The following SORCS3 variants were observed in gnomAD, a reference collection of about 807,000 sequenced individuals.
The protein encoded by SORCS3 is VPS10 domain-containing receptor SorCS3.
SORCS3 carries 57 observed loss-of-function variants against 146.3 expected under a neutral mutation model. That is an observed-to-expected ratio of 0.39 (90% confidence interval 0.31 to 0.49). The LOEUF (loss-of-function observed/expected upper bound fraction) is 0.49. Ranked by LOEUF, SORCS3 falls within the 20% of genes least tolerant of loss-of-function variation. SORCS3 has a pLI of 0.92. For missense variants in SORCS3, 1,341 were observed against 1,575.5 expected (o/e 0.85, Z 2.52); for synonymous variants, 653 against 618.5 (o/e 1.06, Z -0.83).
intron 5 of SORCS3, among the ~76,000 whole-genome samples, chr10:105,071,326 T>C (rs1233925029): frequency 6.6e-6 from 1 of 152,218 alleles, no homozygotes; most frequent in African/African-American, 2.4e-5. Context: ...CTGTGTATAG[T>C]TCTGTTTTCC....
In SORCS3 at chr10:104,752,111, T is replaced by C. The variant is rs928568155; in HGVS notation, c.628-90681T>C. Among the ~76,000 whole-genome samples, 5 of 151,284 alleles carry C rather than the reference T, an allele frequency of 3.3e-5. No individual in the cohort carries two copies. In the East Asian group the frequency reaches 5.9e-4, roughly 18 times the overall value. ...GTGCAGTGGTGCGATCTCAGCTCAC[T>C]GTAACCTCCGCCTCCCAGGTTTAAG... On this transcript the variant is annotated intron_variant, in intron 1 of 26. Transcript: ENST00000369701.
intron 1 of SORCS3, among the ~76,000 whole-genome samples, chr10:104,705,807 C>T (rs574692289): frequency 2.6e-5 from 4 of 152,184 alleles, no homozygotes; most frequent in Non-Finnish European, 5.9e-5. Context: ...AGTGCCTGTT[C>T]GAGTGGATAT....
intron 4 of SORCS3, among the ~76,000 whole-genome samples, chr10:105,000,647 CT>C (rs1371067311): frequency 5.3e-5 from 8 of 152,054 alleles, no homozygotes; most frequent in African/African-American, 1.4e-4. Flanking sequence ...GTTTTATTTT[CT>C]TTTGTGTGTC....
intron 20 of SORCS3, among the ~76,000 whole-genome samples, chr10:105,242,359 T>C (rs1464463128): frequency 3.2e-5 from 4 of 123,228 alleles, no homozygotes; most frequent in Non-Finnish European, 6.4e-5. Flanking sequence ...TACATATATT[T>C]ATATATATTT....
At chr10:105,214,176 TGATCCAATCTGTGGCTCACCAGGTAG>T (rs1160226864) in intron 17 of SORCS3, among the ~76,000 whole-genome samples, 1 of 152,200 alleles carries the variant, frequency 6.6e-6, no homozygotes, top group Non-Finnish European at 1.5e-5. Flanking sequence ...GTTTAGACAC[TGATCCAATCTGTGGCTCACCAGGTAG>T]GATCAATAAT....
At chr10:104,953,913 A>G (rs572707828) in intron 3 of SORCS3, among the ~76,000 whole-genome samples, 16 of 152,318 alleles carry the variant, frequency 1.1e-4, no homozygotes, top group African/African-American at 3.1e-4. Flanking sequence ...GCAACCTAAC[A>G]TAGGACCCAG....
intron 2 of SORCS3, among the ~76,000 whole-genome samples, chr10:104,906,471 G>T (rs368075996): frequency 6.6e-6 from 1 of 152,272 alleles, no homozygotes; most frequent in Non-Finnish European, 1.5e-5. Context: ...CTCCTTCTGT[G>T]ATAATATTAT....
Position 105,105,530 on chromosome 10 carries a change from T to G in SORCS3, c.1212+15T>G. On this transcript the variant is annotated intron_variant, in intron 7 of 26. Transcript: ENST00000369701. ...TCTTCATTCAGGTGAGTACAGAAAG[T>G]GCAGTTGGTGGTAGGAGGATGCATC... 2 of 1,562,188 alleles carry G rather than the reference T, an allele frequency of 1.3e-6. No homozygotes were observed. The highest frequency in any genetic ancestry group is 1.8e-6 in the Non-Finnish European group (2 of 1,133,204).
At chr10:105,046,964 A>T (rs2055376379) in intron 5 of SORCS3, among the ~76,000 whole-genome samples, 1 of 152,040 alleles carries the variant, frequency 6.6e-6, no homozygotes, top group South Asian at 2.1e-4. Flanking sequence ...TGTCCTTAAC[A>T]TATTCCCTTC....
chr10:104,975,670 G>C (rs1443809474), intron 3 of SORCS3, among the ~76,000 whole-genome samples: 26 of 152,088 alleles, frequency 1.7e-4, no homozygotes, highest in Non-Finnish European at 3.2e-4. Flanking sequence ...ATACTACAAG[G>C]CTACAGTAAC....
intron 1 of SORCS3, among the ~76,000 whole-genome samples, chr10:104,788,196 T>C (rs2017459500): frequency 1.3e-5 from 2 of 152,096 alleles, no homozygotes; most frequent in South Asian, 4.2e-4. Flanking sequence ...CAGGCAATGG[T>C]TGAGTTGAAA....
intron 2 of SORCS3, among the ~76,000 whole-genome samples, chr10:104,845,526 G>C (rs999150619): frequency 1.1e-4 from 17 of 152,164 alleles, no homozygotes; most frequent in African/African-American, 4.1e-4. Context: ...TCATAGCCCT[G>C]TGTTTGGATA....
intron 1 of SORCS3, among the ~76,000 whole-genome samples, chr10:104,748,900 A>G (rs2016947045): frequency 6.6e-6 from 1 of 152,176 alleles, no homozygotes; most frequent in Admixed American, 6.5e-5. Context: ...GGTCTCTACC[A>G]ATAGTGTAAC....
intron 1 of SORCS3, among the ~76,000 whole-genome samples, chr10:104,731,061 G>T (rs143278516): frequency 8.2e-4 from 125 of 152,330 alleles, no homozygotes; most frequent in African/African-American, 2.9e-3. Flanking sequence ...GGAAGGGCAG[G>T]TACTGAGTAG....
At chr10:104,968,915 G>A (rs986183348) in intron 3 of SORCS3, among the ~76,000 whole-genome samples, 13 of 152,128 alleles carry the variant, frequency 8.5e-5, no homozygotes, top group African/African-American at 2.7e-4. Context: ...TGTACTTTCC[G>A]ATTTGACACA....
At chr10:104,684,152 C>A (rs575770571) in intron 1 of SORCS3, among the ~76,000 whole-genome samples, 1 of 152,138 alleles carries the variant, frequency 6.6e-6, no homozygotes, top group African/African-American at 2.4e-5. Context: ...TTGACACTCT[C>A]CAGGGATGTG....
chr10:105,212,890 G>C (rs1299117912), intron 17 of SORCS3, among the ~76,000 whole-genome samples: 2 of 152,124 alleles, frequency 1.3e-5, no homozygotes, highest in African/African-American at 4.8e-5. Context: ...TGACTGTCTA[G>C]ACCAGTGATG....
chr10:105,219,196 G>A (rs1165370039), intron 19 of SORCS3, among the ~76,000 whole-genome samples: 2 of 152,206 alleles, frequency 1.3e-5, no homozygotes, highest in African/African-American at 2.4e-5. Context: ...TCATTACAGC[G>A]AAAGGGTACA....
At chr10:104,960,062 G>T (rs539779988) in intron 3 of SORCS3, among the ~76,000 whole-genome samples, 1 of 152,224 alleles carries the variant, frequency 6.6e-6, no homozygotes, top group East Asian at 1.9e-4. Context: ...GCATTTAGAT[G>T]TTTGAGGGCC....
Sources: gnomAD v4.1 joint callset for allele counts (sites outside exome capture counted in the v4.1 genomes callset) on GRCh38, gnomAD v4.1.1 for gene constraint, MANE v1.5 for transcripts, NCBI Gene and HGNC (gene_info 2026-07-23, HGNC 2026-07-21) for gene names.